PAK3: variants seen among roughly 807,000 people sequenced by gnomAD.
PAK3 encodes serine/threonine-protein kinase PAK 3.
In PAK3, 4 loss-of-function variants were observed where a neutral mutation model predicts 41.0. The ratio of observed to expected loss-of-function variants is 0.10; its 90% CI spans 0.05 to 0.22. PAK3 has a LOEUF of 0.22. Among genes scored for constraint, PAK3 ranks in the 10% least tolerant of loss-of-function variants. The pLI is 1.00. For synonymous variants in PAK3, 146 were observed against 139.6 expected, an observed-to-expected ratio of 1.05 and a Z score of -0.32; for missense variants, 205 against 409.9, an observed-to-expected ratio of 0.50 and a Z score of 4.32.
chrX:111,021,339 C>A (rs986637016), intron 1 of PAK3, among the ~76,000 whole-genome samples: 4 of 112,129 alleles, frequency 3.6e-5, no homozygotes, highest in African/African-American at 1.3e-4. Context: ...GACTGCAAGA[C>A]CTGAAGACAG....
At chrX:111,142,027 C>T in intron 5 of PAK3, 69 bp from the exon 6 acceptor site, 1 of 609,002 alleles carries the variant, frequency 1.6e-6, no homozygotes. Context: ...TTTTGATGAA[C>T]CTAATTGTAC....
chrX:111,087,717 C>G (rs1441175622), intron 1 of PAK3, among the ~76,000 whole-genome samples: 1 of 95,278 alleles, frequency 1.0e-5, no homozygotes, highest in East Asian at 3.2e-4. Flanking sequence ...TGTTCATTAC[C>G]AGAACGAACC....
In PAK3 at chrX:111,194,307, G is replaced by A; in HGVS notation, c.999G>A (p.Leu333=). The part of the protein sequence containing the change: ...PNIVNYLDSY[L]VGDELWVVME... ...TTTTCTTTTCTTGTTATAGCTACTT[G>A]GTGGGTGATGAACTATGGGTAGTCA... The change falls in exon 14 of 18, where the codon TTG becomes TTA. Residue 333 remains leucine, a synonymous_variant. Transcript: ENST00000372007. The A allele has an allele frequency of 8.8e-7, 1 of 1,136,746 alleles. No individual in the cohort carries two copies. Among genetic ancestry groups the A allele is most frequent in the South Asian group, 1.8e-5 (1 of 55,280 alleles). The allele number at this position is 1,136,746 out of a possible 1,213,427, so 93.7% of individuals were successfully genotyped here.
chrX:111,194,545 G>A (rs1450085628), intron 14 of PAK3, 127 bp downstream of exon 14: 3 of 548,538 alleles, frequency 5.5e-6, no homozygotes, highest in South Asian at 2.4e-5. Flanking sequence ...AACAATTGGA[G>A]AGGCCAACTT....
intron 11 of PAK3, among the ~76,000 whole-genome samples, chrX:111,185,006 A>G (rs1303870328): frequency 9.0e-6 from 1 of 110,907 alleles, no homozygotes; most frequent in Non-Finnish European, 1.9e-5. Context: ...ACTAACTTAC[A>G]CTCCCACCAA....
intron 16 of PAK3, among the ~76,000 whole-genome samples, chrX:111,213,340 T>G (rs1002338672): frequency 1.8e-5 from 2 of 112,238 alleles, no homozygotes; most frequent in Non-Finnish European, 3.8e-5. Flanking sequence ...TCTCCCTTGA[T>G]GTACTATTTC....
chrX:111,214,242 C>T (rs1019959636), intron 16 of PAK3, among the ~76,000 whole-genome samples: 1 of 111,820 alleles, frequency 8.9e-6, no homozygotes, highest in Admixed American at 9.5e-5. Flanking sequence ...GTACATACGA[C>T]GCAGAGATTC....
At chrX:111,109,016 T>C (rs146640161) in intron 4 of PAK3, among the ~76,000 whole-genome samples, 1,705 of 112,150 alleles carry the variant, frequency 0.015, 17 homozygotes, top group Middle Eastern at 0.033. Context: ...GACCACCATT[T>C]GAATCCCAGT....
intron 4 of PAK3, among the ~76,000 whole-genome samples, chrX:111,111,334 C>CT (rs1292905358): frequency 1.8e-5 from 2 of 111,697 alleles, no homozygotes; most frequent in Non-Finnish European, 3.8e-5. Flanking sequence ...AGACAAGATG[C>CT]TTAGATATGT....
chrX:111,163,652 A>T lies in PAK3; in HGVS notation c.691A>T (p.Ser231Cys), dbSNP rs367901722. The change falls in exon 10 of 18, where the codon AGT (serine) becomes TGT (cysteine). Residue 231 changes from serine (S) to cysteine (C), a missense_variant. Ser to Cys is a moderately radical substitution (Grantham distance 112). Transcript: ENST00000372007. ...ACCCTCTGCTGAAAATGCCAATTCC[A>T]GTACTTTGTACAGGAACACAGATCG... ...TPPSAENANS[S>C]TLYRNTDRQR... 18 of 1,190,968 alleles carry T rather than the reference A, an allele frequency of 1.5e-5. No individual in the cohort carries two copies. The highest frequency in any genetic ancestry group is 2.2e-5 in the Admixed American group (1 of 45,633).
chrX:111,224,013 A>G lies in PAK3; in HGVS notation c.*3566A>G, dbSNP rs900331111. 1 of 112,007 alleles carries G rather than the reference A, an allele frequency of 8.9e-6. No homozygotes were observed. The allele number at this position is 112,007 out of a possible 1,213,427, so 9.2% of individuals were successfully genotyped here. On this transcript the variant is annotated 3_prime_UTR_variant, in exon 18 of 18. Coordinates refer to ENST00000372007, the MANE Select transcript of PAK3 (RefSeq NM_002578.5). ...ATAAATAAACAGCAGAAAGGGAACT[A>G]TAGACACATAGAAAAGATGCCAGAA...
At chrX:111,033,738 A>G (rs1468308795) in intron 1 of PAK3, among the ~76,000 whole-genome samples, 1 of 111,468 alleles carries the variant, frequency 9.0e-6, no homozygotes, top group African/African-American at 3.3e-5. Flanking sequence ...GAGTCTGTTA[A>G]AACCCCTCAC....
upstream of PAK3, among the ~76,000 whole-genome samples, chrX:111,094,213 C>T (rs953832562): frequency 3.6e-5 from 4 of 110,435 alleles, no homozygotes; most frequent in African/African-American, 6.6e-5. Flanking sequence ...AAGACAACCA[C>T]GACACCAAAA....
chrX:110,973,752 T>A (rs1367355691), intron 1 of PAK3, among the ~76,000 whole-genome samples: 2 of 111,890 alleles, frequency 1.8e-5, no homozygotes, highest in Admixed American at 1.9e-4. Context: ...ATCCTCCAAT[T>A]AAAAGACACA....
Position 111,216,678 on chromosome X carries a change from G to T in PAK3, c.1545+120G>T. ...GTTAGGCTATTACCATTTTATTTTAGACCACAGGCACATAACTATAGGCAC... is the reference window on the plus strand; with the variant it reads ...GTTAGGCTATTACCATTTTATTTTATACCACAGGCACATAACTATAGGCAC... On this transcript the variant is annotated intron_variant, in intron 17 of 17. Transcript: ENST00000372007. 4.7e-6 allele frequency: 3 copies of T among 632,720 alleles called. No individual in the cohort carries two copies. The South Asian group carries it at 7.1e-5, about 15-fold the overall frequency. The allele number at this position is 632,720 out of a possible 1,213,427, so 52.1% of individuals were successfully genotyped here. A position where few individuals can be genotyped will look rare whatever the true frequency, so the allele number is the denominator to read the frequency against.
intron 1 of PAK3, among the ~76,000 whole-genome samples, chrX:110,996,589 T>G (rs2091744050): frequency 9.0e-6 from 1 of 111,536 alleles, no homozygotes; most frequent in Non-Finnish European, 1.9e-5. Context: ...TTTGATCTAA[T>G]GGGATTAGTG....
At chrX:111,087,760 A>C (rs2092900178) in intron 1 of PAK3, among the ~76,000 whole-genome samples, 2 of 10,371 alleles carry the variant, frequency 1.9e-4, no homozygotes, top group Non-Finnish European at 1.5e-3. Context: ...TGCAAAAAAA[A>C]AAAAACAAAA....
Position 111,192,632 on chromosome X carries a change from CTTA to C in PAK3, c.992+19_992+21del, listed in dbSNP as rs1569456834. 1.3e-6 allele frequency: 1 copy of C among 755,767 alleles called. No homozygotes were observed. Among genetic ancestry groups the C allele is most frequent in the Admixed American group, 2.2e-5 (1 of 45,021 alleles). 62.3% of individuals were successfully genotyped at this position (755,767 alleles called of 1,213,427 possible). A position where few individuals can be genotyped will look rare whatever the true frequency, so the allele number is the denominator to read the frequency against. On this transcript the variant is annotated intron_variant, in intron 13 of 17. Coordinates refer to ENST00000372007, the MANE Select transcript of PAK3 (RefSeq NM_002578.5). ...TTATTTAGATAGGTAAGTGTTTTGTCTTATTATGTACTTATATTCTTTGTGGGA... is the reference window on the plus strand; with the variant it reads ...TTATTTAGATAGGTAAGTGTTTTGTCTTATGTACTTATATTCTTTGTGGGA...
chrX:111,009,374 T>C (rs1378527413), intron 1 of PAK3, among the ~76,000 whole-genome samples: 2 of 111,932 alleles, frequency 1.8e-5, no homozygotes, highest in Non-Finnish European at 3.8e-5. Flanking sequence ...AGATTCCAGG[T>C]CTAAAAGATG....
Sources: allele counts gnomAD v4.1 joint callset (sites outside exome capture counted in the v4.1 genomes callset), GRCh38; gene constraint gnomAD v4.1.1; transcripts MANE v1.5; gene names NCBI Gene and HGNC (gene_info 2026-07-23, HGNC 2026-07-21).